PCDH17: variants seen among roughly 807,000 people sequenced by gnomAD.
PCDH17 encodes the protein protocadherin 17, also known as protocadherin-17.
PCDH17 carries 21 observed loss-of-function variants against 67.7 expected under a neutral mutation model. The ratio of observed to expected loss-of-function variants is 0.31; its 90% CI spans 0.22 to 0.45. PCDH17 has a LOEUF of 0.45. PCDH17 is among the 20% of genes least tolerant of loss of function. The pLI, the probability that PCDH17 is intolerant of heterozygous loss-of-function variation, is 1.00. For synonymous variants in PCDH17, 701 were observed against 656.7 expected, an observed-to-expected ratio of 1.07 and a Z score of -1.03; for missense variants, 1,471 against 1,564.8, an observed-to-expected ratio of 0.94 and a Z score of 1.01.
At chr13:57,683,086 G>A (rs913493386) in intron 3 of PCDH17, among the ~76,000 whole-genome samples, 4 of 151,840 alleles carry the variant, frequency 2.6e-5, no homozygotes, top group Non-Finnish European at 5.9e-5. Flanking sequence ...AGCTTAGGAT[G>A]TCTAATTCTA....
chr13:57,671,875 G>A (rs529026147), intron 3 of PCDH17, among the ~76,000 whole-genome samples: 3 of 151,952 alleles, frequency 2.0e-5, no homozygotes, highest in Non-Finnish European at 4.4e-5. Context: ...TTGGGTGGCC[G>A]GCCGTCAGTC....
intron 3 of PCDH17, among the ~76,000 whole-genome samples, chr13:57,713,885 G>T (rs1955797698): frequency 6.6e-6 from 1 of 151,342 alleles, no homozygotes; most frequent in Admixed American, 6.6e-5. Context: ...AAAACCTTTT[G>T]TATTACTTCT....
intron 1 of PCDH17, among the ~76,000 whole-genome samples, chr13:57,655,826 G>A (rs536224298): frequency 1.3e-5 from 2 of 151,806 alleles, no homozygotes; most frequent in East Asian, 3.9e-4. Context: ...GGTATTAAGG[G>A]GGATAGTAGT....
intron 3 of PCDH17, among the ~76,000 whole-genome samples, chr13:57,676,100 T>C (rs180729667): frequency 2.6e-5 from 4 of 152,068 alleles, no homozygotes; most frequent in Admixed American, 2.0e-4. Context: ...AATTATTTAA[T>C]GCCTTAATTA....
chr13:57,673,070 A>C (rs1776600215), intron 3 of PCDH17, among the ~76,000 whole-genome samples: 1 of 151,972 alleles, frequency 6.6e-6, no homozygotes, highest in South Asian at 2.1e-4. Context: ...TCTATAACTA[A>C]GGTCTGAGTC....
At chr13:57,720,977 G>C (rs1955867861) in intron 3 of PCDH17, among the ~76,000 whole-genome samples, 1 of 152,074 alleles carries the variant, frequency 6.6e-6, no homozygotes, top group South Asian at 2.1e-4. Context: ...AAAGTTATTT[G>C]ATTGTCACAT....
intron 3 of PCDH17, among the ~76,000 whole-genome samples, chr13:57,668,558 A>T (rs1279575088): frequency 6.6e-6 from 1 of 152,068 alleles, no homozygotes; most frequent in Admixed American, 6.6e-5. Flanking sequence ...AAGTGGTCTT[A>T]TTTATTAAGT....
At chr13:57,699,412 C>T (rs1007306076) in intron 3 of PCDH17, among the ~76,000 whole-genome samples, 47 of 151,922 alleles carry the variant, frequency 3.1e-4, no homozygotes, top group Non-Finnish European at 4.3e-4. Context: ...CTCAAGTGAG[C>T]GGCACCAGAA....
At position 57,699,699 on chromosome 13, in the gene PCDH17, T is replaced by C. The variant is rs140086548; in HGVS notation, c.2798-24913T>C. On this transcript the variant is annotated intron_variant, in intron 3 of 3. Coordinates refer to ENST00000377918, the MANE Select transcript of PCDH17 (RefSeq NM_001040429.3). ...GATATTCTTAACATTTCCCTATTTC[T>C]GTTCTTTGTGGTACCCATTGTTTCT... 3.2e-4 allele frequency among the ~76,000 whole-genome samples: 49 copies of C among 152,212 alleles called. No individual in the cohort carries two copies. In the East Asian group the frequency reaches 8.3e-3, roughly 26 times the overall value.
intron 1 of PCDH17, among the ~76,000 whole-genome samples, chr13:57,644,015 TG>T (rs1194055326): frequency 2.0e-5 from 3 of 151,560 alleles, no homozygotes; most frequent in African/African-American, 7.3e-5. Context: ...AAGTGTAGAG[TG>T]AGATACAGGA....
chr13:57,703,139 A>G (rs1309659902), intron 3 of PCDH17, among the ~76,000 whole-genome samples: 1 of 152,184 alleles, frequency 6.6e-6, no homozygotes, highest in Non-Finnish European at 1.5e-5. Flanking sequence ...ATAAGAATTT[A>G]GAAGTCCATA....
chr13:57,682,177 A>G (rs752902338), intron 3 of PCDH17, among the ~76,000 whole-genome samples: 1 of 151,520 alleles, frequency 6.6e-6, no homozygotes, highest in Non-Finnish European at 1.5e-5. Flanking sequence ...TACTCCTACA[A>G]TTTACCTAGT....
chr13:57,632,582 G>C lies in PCDH17; in HGVS notation c.36G>C (p.Trp12Cys), dbSNP rs773599265. Residue 12 changes from tryptophan (W) to cysteine (C), a missense_variant, in exon 1 of 4, where the codon TGG (tryptophan) becomes TGC (cysteine). Physicochemically the swap from Trp to Cys is radical, Grantham distance 215. Transcript: ENST00000377918. ...YLSICCCFLL[W>C]APALTLKNLN... ...CCATCTGTTGCTGCTTTCTTCTATG[G>C]GCCCCTGCCCTCACTCTCAAGAACC... 1 of 1,613,836 alleles carries C rather than the reference G, an allele frequency of 6.2e-7. No homozygotes were observed. The highest frequency in any genetic ancestry group is 8.5e-7 in the Non-Finnish European group (1 of 1,179,898).
At chr13:57,645,589 T>C (rs1236521315) in intron 1 of PCDH17, among the ~76,000 whole-genome samples, 3 of 151,450 alleles carry the variant, frequency 2.0e-5, no homozygotes, top group African/African-American at 7.3e-5. Context: ...TTGTATATAA[T>C]TTTATTAATA....
intron 3 of PCDH17, among the ~76,000 whole-genome samples, chr13:57,722,431 TCTA>T (rs1955878914): frequency 6.6e-6 from 1 of 152,202 alleles, no homozygotes. Flanking sequence ...TGTAAAGTTT[TCTA>T]CTTTTCCTTC....
At chr13:57,693,357 G>C (rs1472561225) in intron 3 of PCDH17, among the ~76,000 whole-genome samples, 1 of 79,590 alleles carries the variant, frequency 1.3e-5, no homozygotes, top group Non-Finnish European at 2.6e-5. Context: ...AAGGAGTTAG[G>C]ATACAAAATA....
At chr13:57,695,827 A>T (rs1399867229) in intron 3 of PCDH17, among the ~76,000 whole-genome samples, 1 of 151,398 alleles carries the variant, frequency 6.6e-6, no homozygotes, top group Non-Finnish European at 1.5e-5. Flanking sequence ...CATGTTACTA[A>T]AAAACAAATC....
At chr13:57,674,017 CA>C (rs1955357079) in intron 3 of PCDH17, among the ~76,000 whole-genome samples, 2 of 151,968 alleles carry the variant, frequency 1.3e-5, no homozygotes, top group African/African-American at 2.4e-5. Flanking sequence ...TTCACATGTG[CA>C]AACATCTGCT....
chr13:57,700,380 G>A lies in PCDH17; in HGVS notation c.2798-24232G>A, dbSNP rs150991613. Among the ~76,000 whole-genome samples the A allele has an allele frequency of 1.5e-3, 219 of 147,522 alleles. No homozygotes were observed. The East Asian group carries it at 0.03, about 20-fold the overall frequency. On this transcript the variant is annotated intron_variant, in intron 3 of 3. Coordinates refer to ENST00000377918, the MANE Select transcript of PCDH17 (RefSeq NM_001040429.3). ...TATCGCCAGGCTGGATTGCAGTGGC[G>A]TGATCTTGGCTCACTGCAACCACTG...
Sources: allele counts gnomAD v4.1 joint callset (sites outside exome capture counted in the v4.1 genomes callset), GRCh38; gene constraint gnomAD v4.1.1; transcripts MANE v1.5; gene names NCBI Gene and HGNC (gene_info 2026-07-23, HGNC 2026-07-21).